Variants in MTUS2 observed in about 807,000 individuals in gnomAD.
MTUS2 encodes the protein microtubule associated scaffold protein 2.
A neutral mutation model predicts 114.1 loss-of-function variants in MTUS2; 40 were observed. The observed-to-expected ratio is 0.35, with a 90% CI of 0.27 to 0.46. MTUS2 has a LOEUF of 0.46. Among genes scored for constraint, MTUS2 ranks in the 20% least tolerant of loss-of-function variants. The pLI is 1.00. For missense variants in MTUS2, 1,679 were observed against 1,705.4 expected (o/e 0.98, Z 0.27); for synonymous variants, 688 against 672.0 (o/e 1.02, Z -0.37).
intron 2 of MTUS2, among the ~76,000 whole-genome samples, chr13:28,959,529 G>C (rs1403351010): frequency 3.0e-5 from 1 of 33,130 alleles, no homozygotes; most frequent in Non-Finnish European, 7.6e-5. Context: ...TCTGCAGGCT[G>C]TACACAAAGT....
At chr13:29,412,977 A>G (rs1293860168) in intron 8 of MTUS2, among the ~76,000 whole-genome samples, 3 of 152,292 alleles carry the variant, frequency 2.0e-5, no homozygotes, top group South Asian at 2.1e-4. Flanking sequence ...AAAGCCAGCA[A>G]CGGTTGAGTT....
chr13:28,930,480 T>C (rs1258583421), intron 2 of MTUS2, among the ~76,000 whole-genome samples: 2 of 152,200 alleles, frequency 1.3e-5, no homozygotes, highest in Non-Finnish European at 2.9e-5. Flanking sequence ...ATAGCACTTC[T>C]GTTTCCTTAC....
intron 2 of MTUS2, among the ~76,000 whole-genome samples, chr13:28,922,613 T>C (rs1881105693): frequency 1.3e-5 from 2 of 152,116 alleles, no homozygotes; most frequent in Admixed American, 6.5e-5. Context: ...CAGAGAAGCA[T>C]TGAGTTCAGT....
Position 29,162,739 on chromosome 13 carries a change from G to A in MTUS2, c.2644+61769G>A, listed in dbSNP as rs575929780. On this transcript the variant is annotated intron_variant, in intron 5 of 15. Transcript: ENST00000612955. ...CACATGAGTCTAATTCAGAGCATCC[G>A]TGCACTTGCTAACAAAGCACTTTCA... Among the ~76,000 whole-genome samples the A allele has an allele frequency of 1.8e-4, 28 of 152,312 alleles. No homozygotes were observed. The South Asian group carries it at 2.7e-3, about 15-fold the overall frequency.
intron 5 of MTUS2, among the ~76,000 whole-genome samples, chr13:29,181,398 G>A (rs1013098408): frequency 6.6e-6 from 1 of 152,184 alleles, no homozygotes; most frequent in African/African-American, 2.4e-5. Context: ...GGTTTCTGGG[G>A]ACCCCAAGCC....
chr13:28,848,237 A>G (rs1876018389), intron 2 of MTUS2, among the ~76,000 whole-genome samples: 2 of 152,212 alleles, frequency 1.3e-5, no homozygotes, highest in South Asian at 4.1e-4. Flanking sequence ...ATCTATTGGT[A>G]TAGCCCAATA....
intron 8 of MTUS2, among the ~76,000 whole-genome samples, chr13:29,384,886 GC>G (rs1239077236): frequency 1.3e-5 from 2 of 152,238 alleles, no homozygotes; most frequent in African/African-American, 4.8e-5. Context: ...TCCTGTTCAA[GC>G]CATGCTGGTG....
chr13:29,488,250 C>T (rs1316127022), intron 11 of MTUS2: 3 of 497,624 alleles, frequency 6.0e-6, no homozygotes, highest in Non-Finnish European at 1.1e-5. Context: ...TTCCCCGTCC[C>T]CTGGGGAGCG....
chr13:29,344,448 T>C (rs1462449978), intron 7 of MTUS2, among the ~76,000 whole-genome samples: 1 of 152,174 alleles, frequency 6.6e-6, no homozygotes, highest in Non-Finnish European at 1.5e-5. Flanking sequence ...GTCTGTTTTG[T>C]CTGATATAAC....
At chr13:29,064,988 C>T (rs1247389740) in intron 4 of MTUS2, among the ~76,000 whole-genome samples, 9 of 152,136 alleles carry the variant, frequency 5.9e-5, no homozygotes, top group East Asian at 1.9e-4. Flanking sequence ...TGGTATTCCA[C>T]GGTATGTATG....
At chr13:29,073,075 G>A (rs1291871297) in intron 4 of MTUS2, among the ~76,000 whole-genome samples, 3 of 151,760 alleles carry the variant, frequency 2.0e-5, no homozygotes, top group African/African-American at 2.4e-5. Flanking sequence ...ATTCTAATCC[G>A]GTGGAAAAGA....
chr13:29,406,926 A>G (rs538894536), intron 8 of MTUS2, among the ~76,000 whole-genome samples: 8 of 152,204 alleles, frequency 5.3e-5, no homozygotes, highest in East Asian at 1.9e-4. Context: ...TCAATATGCC[A>G]TAATTTAGGG....
intron 4 of MTUS2, among the ~76,000 whole-genome samples, chr13:29,050,231 A>T (rs1354912382): frequency 1.3e-5 from 2 of 152,146 alleles, no homozygotes; most frequent in Non-Finnish European, 2.9e-5. Flanking sequence ...ATTACCATAA[A>T]ATGTTAGGGA....
chr13:28,825,697 CT>C (rs1566159715), intron 1 of MTUS2, among the ~76,000 whole-genome samples: 3 of 152,196 alleles, frequency 2.0e-5, no homozygotes, highest in African/African-American at 7.2e-5. Flanking sequence ...CCTTTCTATA[CT>C]CATGGGGACA....
chr13:28,996,400 A>T (rs1012857914), intron 2 of MTUS2, among the ~76,000 whole-genome samples: 1 of 152,180 alleles, frequency 6.6e-6, no homozygotes, highest in Admixed American at 6.6e-5. Context: ...TATCAGGATG[A>T]TGCTGGCCTC....
rs1489422694 is a variant in MTUS2, at chr13:29,360,581, G to T, written c.3117+1108G>T. ...ATAGTTTCAGCCTCCTCCCCAACCA[G>T]AATTTTAACCCCAGCAGAAAATGGC... On this transcript the variant is annotated intron_variant, in intron 8 of 15. Transcript: ENST00000612955. Among the ~76,000 whole-genome samples the T allele has an allele frequency of 2.0e-5, 3 of 151,522 alleles. No individual in the cohort carries two copies. The East Asian group carries it at 5.8e-4, about 29-fold the overall frequency.
chr13:28,963,385 T>C (rs1472526085), intron 2 of MTUS2, among the ~76,000 whole-genome samples: 1 of 151,948 alleles, frequency 6.6e-6, no homozygotes, highest in East Asian at 1.9e-4. Flanking sequence ...AAAAAAGAAA[T>C]AGAGTATCTG....
intron 6 of MTUS2, chr13:29,307,550 T>A (rs1231446474): frequency 2.4e-6 from 3 of 1,245,686 alleles, no homozygotes; most frequent in Non-Finnish European, 3.5e-6. Context: ...TATGATGACA[T>A]CAAGAAGGTG....
rs184323145 is a variant in MTUS2 at position 29,455,142 on chromosome 13, A to C, written c.3184+15093A>C. On this transcript the variant is annotated intron_variant, in intron 9 of 15. Transcript: ENST00000612955. ...AGAGGTAAACACCAGAGTACAGGGC[A>C]ATTGAAGTGACTGGGAATTCCTCTA... Among the ~76,000 whole-genome samples, 84 of 152,302 alleles carry C rather than the reference A, an allele frequency of 5.5e-4. 1 individual carries two copies. Among genetic ancestry groups the C allele is most frequent in the African/African-American group, 1.9e-3 (79 of 41,570 alleles).
Sources: gnomAD v4.1 joint callset for allele counts (sites outside exome capture counted in the v4.1 genomes callset) on GRCh38, gnomAD v4.1.1 for gene constraint, MANE v1.5 for transcripts, NCBI Gene and HGNC (gene_info 2026-07-23, HGNC 2026-07-21) for gene names.